The following CMKLR2 variants were observed in gnomAD, a reference collection of about 807,000 sequenced individuals.
CMKLR2 encodes chemerin chemokine-like receptor 2.
CMKLR2 carries 18 observed loss-of-function variants against 23.0 expected under a neutral mutation model. The observed-to-expected ratio is 0.78, with a 90% confidence interval of 0.54 to 1.16. The LOEUF is 1.16. CMKLR2 is among the 50% of genes most tolerant of loss of function. CMKLR2 has a pLI of 0.00. For missense variants in CMKLR2, 401 were observed against 412.7 expected, an observed-to-expected ratio of 0.97 and a Z score of 0.25; for synonymous variants, 158 against 158.9, an observed-to-expected ratio of 0.99 and a Z score of 0.05.
chr2:206,198,594 C>T (rs1301313553), intron 1 of CMKLR2, among the ~76,000 whole-genome samples: 1 of 152,088 alleles, frequency 6.6e-6, no homozygotes, highest in Admixed American at 6.6e-5. Context: ...TGGTTTTTTG[C>T]ACATTGGAAC....
chr2:206,199,866 G>A (rs1280102672), intron 1 of CMKLR2, among the ~76,000 whole-genome samples: 2 of 152,072 alleles, frequency 1.3e-5, no homozygotes, highest in African/African-American at 4.8e-5. Context: ...ACAGGCGTGA[G>A]ACACCGTGCC....
chr2:206,199,864 G>A (rs1689038161), intron 1 of CMKLR2, among the ~76,000 whole-genome samples: 1 of 152,056 alleles, frequency 6.6e-6, no homozygotes, highest in Non-Finnish European at 1.5e-5. Flanking sequence ...TTACAGGCGT[G>A]AGACACCGTG....
At chr2:206,207,926 G>A (rs1574329322) in intron 1 of CMKLR2, among the ~76,000 whole-genome samples, 2 of 151,562 alleles carry the variant, frequency 1.3e-5, no homozygotes, top group African/African-American at 4.8e-5. Flanking sequence ...ATTTTTAGTA[G>A]AGACAGTTTC....
At chr2:206,179,168 G>A (rs1274048804) in intron 1 of CMKLR2, among the ~76,000 whole-genome samples, 2 of 131,892 alleles carry the variant, frequency 1.5e-5, no homozygotes, top group East Asian at 2.4e-4. Context: ...CTCACCTCCC[G>A]GGTTCAAGCA....
chr2:206,193,448 A>G (rs1378284975), intron 1 of CMKLR2, among the ~76,000 whole-genome samples: 1 of 152,244 alleles, frequency 6.6e-6, no homozygotes, highest in Non-Finnish European at 1.5e-5. Flanking sequence ...ATCAGGAAGA[A>G]TATGGGCACT....
intron 1 of CMKLR2, among the ~76,000 whole-genome samples, chr2:206,183,029 T>C (rs569865258): frequency 6.6e-6 from 1 of 152,272 alleles, no homozygotes; most frequent in South Asian, 2.1e-4. Context: ...TGCCCCATTC[T>C]TTCAGGCCTG....
rs112448076 is a variant in CMKLR2 at position 206,195,772 on chromosome 2, T to C, written c.-29+17535A>G. Among the ~76,000 whole-genome samples, 830 of 150,300 alleles carry C rather than the reference T, an allele frequency of 5.5e-3. 8 individuals carry two copies. Among genetic ancestry groups the C allele is most frequent in the African/African-American group, 0.019 (789 of 40,896 alleles). On this transcript the variant is annotated intron_variant, in intron 1 of 1. Transcript: ENST00000621141. The stretch of plus-strand genomic sequence containing the variant: ...GAGTTCGAGACCAGCCTGACCAACA[T>C]AGGGAAACTCCATCTCTACTAAAAA...
In CMKLR2 at chr2:206,176,195, C is replaced by T; in HGVS notation, c.1053G>A (p.Leu351=). 2 of 1,610,190 alleles carry T rather than the reference C, an allele frequency of 1.2e-6. No individual in the cohort carries two copies. Among genetic ancestry groups the T allele is most frequent in the Non-Finnish European group, 1.7e-6 (2 of 1,178,178 alleles). ...AAGTAATAACTTATTGAGCTGTTTC[C>T]AGGAGACACAGATTCTTGGTTTCTG... ...RNSETKNLCL[L]ETAQ Residue 351 remains leucine, a synonymous_variant, in exon 2 of 2, where the codon CTG becomes CTA. Coordinates refer to ENST00000621141, the MANE Select transcript of CMKLR2 (RefSeq NM_001389445.1).
At chr2:206,187,211 G>A (rs961344433) in intron 1 of CMKLR2, among the ~76,000 whole-genome samples, 5 of 152,100 alleles carry the variant, frequency 3.3e-5, no homozygotes, top group Admixed American at 6.6e-5. Flanking sequence ...GCCAGGCGCA[G>A]TAAGGCGGAG....
chr2:206,181,951 CAAAA>C (rs34520665), intron 1 of CMKLR2, among the ~76,000 whole-genome samples: 9 of 68,586 alleles, frequency 1.3e-4, no homozygotes, highest in Non-Finnish European at 2.2e-4. Flanking sequence ...AACTCCACCT[CAAAA>C]AAAAAAAAAA....
intron 1 of CMKLR2, among the ~76,000 whole-genome samples, chr2:206,182,137 T>C (rs1688435473): frequency 6.6e-6 from 1 of 152,010 alleles, no homozygotes; most frequent in Non-Finnish European, 1.5e-5. Flanking sequence ...GGAGAAAATC[T>C]ATGCCTAAGT....
At chr2:206,214,165 A>ATTTTTTTTTTTTTTTTTTTTTT (rs34307347), upstream of CMKLR2, among the ~76,000 whole-genome samples, 3 of 64,940 alleles carry the variant, frequency 4.6e-5, no homozygotes, top group Admixed American at 2.4e-4. Flanking sequence ...TAAAGACTTG[A>ATTTTTTTTTTTTTTTTTTTTTT]TTTTTTTTTT....
chr2:206,196,590 G>A (rs757597897), intron 1 of CMKLR2, among the ~76,000 whole-genome samples: 11 of 152,144 alleles, frequency 7.2e-5, no homozygotes, highest in East Asian at 1.9e-4. Context: ...AAAAGAAAGC[G>A]ACTTTGATTC....
chr2:206,197,775 C>A (rs1173379790), intron 1 of CMKLR2, among the ~76,000 whole-genome samples: 1 of 151,862 alleles, frequency 6.6e-6, no homozygotes, highest in East Asian at 1.9e-4. Flanking sequence ...GCAATCCTTC[C>A]ACCTCGGCCT....
chr2:206,195,385 G>A (rs1194366012), intron 1 of CMKLR2, among the ~76,000 whole-genome samples: 5 of 152,142 alleles, frequency 3.3e-5, no homozygotes, highest in South Asian at 2.1e-4. Flanking sequence ...GAAGCAAGAC[G>A]TTGCATCTGT....
rs749200581 is a variant in CMKLR2 at position 206,213,284 on chromosome 2, AAAAC to A, written c.-29+19_-29+22del. 3 of 152,230 alleles carry A rather than the reference AAAAC, an allele frequency of 2.0e-5. No homozygotes were observed. The highest frequency in any genetic ancestry group is 4.4e-5 in the Non-Finnish European group (3 of 68,046). 9.4% of individuals were successfully genotyped at this position (152,230 alleles called of 1,614,324 possible). On this transcript the variant is annotated intron_variant, in intron 1 of 1. Transcript: ENST00000621141. ...CCACTGTAAATGTGTCAGTTTGAGG[AAAAC>A]AAACAGGAAAGCACTTACCAGTTAA...
At chr2:206,179,895 G>T (rs1410215320) in intron 1 of CMKLR2, among the ~76,000 whole-genome samples, 3 of 152,098 alleles carry the variant, frequency 2.0e-5, no homozygotes, top group African/African-American at 4.8e-5. Flanking sequence ...AAAACATCCT[G>T]TGTTGCTCAC....
rs1468991627 is a variant in CMKLR2 at position 206,177,151 on chromosome 2, G to A, written c.97C>T (p.Gln33Ter). The A allele has an allele frequency of 3.1e-6, 5 of 1,613,698 alleles. No homozygotes were observed. The East Asian group carries it at 1.1e-4, about 36-fold the overall frequency. Reference protein sequence around the residue: ...SLESDLEEKVQLGVVHWVSLV... With the variant: ...SLESDLEEKV ...GAGACCCAGTGAACAACTCCCAGCTGGACTTTCTCCTCCAAATCAGACTCC... is the reference window on the plus strand; with the variant it reads ...GAGACCCAGTGAACAACTCCCAGCTAGACTTTCTCCTCCAAATCAGACTCC... Residue 33 changes from glutamine to a stop codon, truncating the protein, a stop_gained, in exon 2 of 2, where the codon CAG (glutamine) becomes TAG (stop). Coordinates refer to ENST00000621141, the MANE Select transcript of CMKLR2 (RefSeq NM_001389445.1). LOFTEE classifies it high-confidence loss of function.
chr2:206,197,072 GC>G (rs1400698405), intron 1 of CMKLR2, among the ~76,000 whole-genome samples: 4 of 152,132 alleles, frequency 2.6e-5, no homozygotes, highest in Non-Finnish European at 1.5e-5. Flanking sequence ...ACCACGCCCA[GC>G]TAATTTTTGT....
Sources: allele counts gnomAD v4.1 joint callset (sites outside exome capture counted in the v4.1 genomes callset), GRCh38; gene constraint gnomAD v4.1.1; transcripts MANE v1.5; gene names NCBI Gene and HGNC (gene_info 2026-07-23, HGNC 2026-07-21).